The following LRRC8E variants were observed in gnomAD, a reference collection of about 807,000 sequenced individuals.
LRRC8E encodes the protein leucine rich repeat containing 8 VRAC subunit E.
In LRRC8E, 6 loss-of-function variants were observed where a neutral mutation model predicts 6.1. The ratio of observed to expected loss-of-function variants is 0.98; its 90% confidence interval spans 0.54 to 1.93. The LOEUF (loss-of-function observed/expected upper bound fraction) is 1.93, where lower values mean the gene tolerates loss of function less well. Ranked by LOEUF, LRRC8E falls within the 30% of genes most tolerant of loss-of-function variation. The pLI is 0.01. For synonymous variants in LRRC8E, 485 were observed against 472.8 expected (o/e 1.03, Z -0.33); for missense variants, 1,028 against 1,031.4 (o/e 1.00, Z 0.04).
Position 7,899,930 on chromosome 19 carries a change from T to C in LRRC8E, c.1408T>C (p.Ser470Pro), listed in dbSNP as rs1366001133. ...CTTGCAGGAGCTCAGCTTGCTCCAC[T>C]CGCCCGCCAGGCTACCCTTCTCCTT... ...VHLQELSLLH[S>P]PARLPFSLQV... Residue 470 changes from serine (S) to proline (P), a missense_variant, in exon 3 of 3, where the codon TCG becomes CCG. Transcript: ENST00000306708. The C allele has an allele frequency of 6.2e-7, 1 of 1,608,686 alleles. No individual in the cohort carries two copies. Among genetic ancestry groups the C allele is most frequent in the South Asian group, 1.1e-5 (1 of 91,064 alleles).
intron 1 of LRRC8E, among the ~76,000 whole-genome samples, chr19:7,892,542 G>C (rs1473965011): frequency 1.3e-5 from 2 of 152,148 alleles, no homozygotes; most frequent in African/African-American, 4.8e-5. Context: ...CAACTGAGCA[G>C]TGTCCCTGCA....
chr19:7,895,573 A>AC lies in LRRC8E; in HGVS notation c.-5-20dup, dbSNP rs745904560. On this transcript the variant is annotated intron_variant, in intron 1 of 2. Coordinates refer to ENST00000306708, the MANE Select transcript of LRRC8E (RefSeq NM_025061.6). The surrounding 1 kb of genome is among the most constrained non-coding windows in gnomAD (Gnocchi z 4.7). ...TCCCATCCTGAGGGTCTCTCTCTAC[A>AC]CCCCCCGTCTCGTCCCGTCCCACAG... 1.9e-6 allele frequency: 3 copies of AC among 1,601,288 alleles called. No individual in the cohort carries two copies. Among genetic ancestry groups the AC allele is most frequent in the East Asian group, 2.2e-5 (1 of 44,530 alleles).
In LRRC8E at chr19:7,898,992, T is replaced by C. The variant is rs1220114956; in HGVS notation, c.470T>C (p.Phe157Ser). Residue 157 changes from phenylalanine to serine, a missense_variant, in exon 3 of 3, where the codon TTC becomes TCC. By Grantham distance (155) the Phe-to-Ser change is radical. Transcript: ENST00000306708. ...TTCATCTCCATCCTGGGCAAGTGTT[T>C]CGACTCTCCATGGACCACCAGGGCC... Reference protein sequence around the residue: ...EHFISILGKCFDSPWTTRALS... With the variant: ...EHFISILGKCSDSPWTTRALS... 1.9e-6 allele frequency: 3 copies of C among 1,613,910 alleles called. No individual in the cohort carries two copies.
intron 2 of LRRC8E, among the ~76,000 whole-genome samples, chr19:7,896,124 G>A (rs1344650338): frequency 6.6e-6 from 1 of 151,900 alleles, no homozygotes; most frequent in Non-Finnish European, 1.5e-5. Context: ...TTTTTTAGTA[G>A]AGATGGGGTT....
chr19:7,891,985 T>C (rs1981338042), intron 1 of LRRC8E, among the ~76,000 whole-genome samples: 2 of 152,004 alleles, frequency 1.3e-5, no homozygotes, highest in Non-Finnish European at 2.9e-5. Context: ...CTGCAGCCTC[T>C]AACTCCTGGG....
intron 2 of LRRC8E, among the ~76,000 whole-genome samples, chr19:7,898,095 G>A (rs1010304000): frequency 1.3e-4 from 20 of 151,692 alleles, no homozygotes; most frequent in African/African-American, 1.9e-4. Flanking sequence ...TTGTAGCCCC[G>A]GCTACTCAGC....
In LRRC8E at chr19:7,900,674, CTCT is replaced by C. The variant is rs774823848; in HGVS notation, c.2159_2161del (p.Phe720del). 35 of 1,613,332 alleles carry C rather than the reference CTCT, an allele frequency of 2.2e-5. No individual in the cohort carries two copies. The African/African-American group carries it at 3.1e-4, about 14-fold the overall frequency. On this transcript the variant is annotated inframe_deletion, in exon 3 of 3. Transcript: ENST00000306708. This position sits in a 1 kb window ranked among gnomAD's most constrained non-coding sequence, Gnocchi z 5.0. ...TGCCCTGGAGGCCCTGCCCGAAGAG[CTCT>C]TCTTCTGCCGCAAGCTGCGGACGTT...
In LRRC8E at chr19:7,895,215, C is replaced by T. The variant is rs537392634; in HGVS notation, c.-5-384C>T. 1.0e-4 allele frequency: 19 copies of T among 188,030 alleles called. No homozygotes were observed. Among genetic ancestry groups the T allele is most frequent in the African/African-American group, 4.3e-4 (19 of 43,744 alleles). The allele number at this position is 188,030 out of a possible 1,614,324, so 11.6% of individuals were successfully genotyped here. On this transcript the variant is annotated intron_variant, in intron 1 of 2. Transcript: ENST00000306708. The surrounding 1 kb of genome is among the most constrained non-coding windows in gnomAD (Gnocchi z 4.7). The stretch of plus-strand genomic sequence containing the variant: ...CTGAGTGTCTGCAGTCAGGGAGCAT[C>T]GAGGCAGATGTTTTCAGGCCTTGGT...
rs1981956115 is a variant in LRRC8E at position 7,900,736 on chromosome 19, G to A, written c.2214G>A (p.Ser738=). ...LLGDNQLSQL[S]PHVGALRALS... ...GCGACAACCAGCTGAGCCAGCTCTCGCCCCACGTGGGTGCCCTCAGAGCCC... is the reference window on the plus strand; with the variant it reads ...GCGACAACCAGCTGAGCCAGCTCTCACCCCACGTGGGTGCCCTCAGAGCCC... Residue 738 remains serine (S), a synonymous_variant, in exon 3 of 3, where the codon TCG becomes TCA. Transcript: ENST00000306708. This position sits in a 1 kb window ranked among gnomAD's most constrained non-coding sequence, Gnocchi z 5.0. 18 of 1,612,798 alleles carry A rather than the reference G, an allele frequency of 1.1e-5. No individual in the cohort carries two copies. Among genetic ancestry groups the A allele is most frequent in the Non-Finnish European group, 1.4e-5 (17 of 1,179,710 alleles).
chr19:7,894,232 TTTTG>T (rs765810344), intron 1 of LRRC8E, among the ~76,000 whole-genome samples: 5 of 152,094 alleles, frequency 3.3e-5, no homozygotes, highest in South Asian at 2.1e-4. Flanking sequence ...TTGTCTTTTG[TTTTG>T]TTTGTTTGAG....
intron 2 of LRRC8E, among the ~76,000 whole-genome samples, chr19:7,896,618 C>T (rs1981610514): frequency 6.6e-6 from 1 of 150,960 alleles, no homozygotes; most frequent in Admixed American, 6.7e-5. Context: ...TAAAGAAACA[C>T]GGTCTCATTC....
chr19:7,891,472 A>G (rs181771518), intron 1 of LRRC8E, among the ~76,000 whole-genome samples: 196 of 151,676 alleles, frequency 1.3e-3, no homozygotes, highest in Middle Eastern at 0.01. Flanking sequence ...TGGGATGGCT[A>G]TTGGTGGAGC....
rs1982017444 is a variant in LRRC8E, at chr19:7,901,562, A to G, written c.*649A>G. 1 of 152,116 alleles carries G rather than the reference A, an allele frequency of 6.6e-6. No homozygotes were observed. Among genetic ancestry groups the G allele is most frequent in the Admixed American group, 6.6e-5 (1 of 15,260 alleles). The allele number at this position is 152,116 out of a possible 1,614,324, so 9.4% of individuals were successfully genotyped here. A position where few individuals can be genotyped will look rare whatever the true frequency, so the allele number is the denominator to read the frequency against. On this transcript the variant is annotated 3_prime_UTR_variant, in exon 3 of 3. Transcript: ENST00000306708. ...TGGTGCAGGTAAGTGGCCCTGAGAC[A>G]GTATGTTGGGAAATGCTGACGTAAA...
At position 7,900,800 on chromosome 19, in the gene LRRC8E, C is replaced by G. The variant is rs147355266; in HGVS notation, c.2278C>G (p.Leu760Val). 8.1e-4 allele frequency: 1,289 copies of G among 1,600,532 alleles called. 1 individual carries two copies. Among genetic ancestry groups the G allele is most frequent in the Middle Eastern group, 2.8e-3 (17 of 5,994 alleles). ...GCTCAAAGGCAACCGCTTAGAGGCGCTGCCAGAAGAACTTGGCAACTGTGG... is the reference window on the plus strand; with the variant it reads ...GCTCAAAGGCAACCGCTTAGAGGCGGTGCCAGAAGAACTTGGCAACTGTGG... ...LELKGNRLEA[L>V]PEELGNCGGL... The change falls in exon 3 of 3, where the codon CTG becomes GTG. Residue 760 changes from leucine to valine, a missense_variant. Leu to Val is a conservative substitution (Grantham distance 32). Transcript: ENST00000306708. The surrounding 1 kb of genome is among the most constrained non-coding windows in gnomAD (Gnocchi z 5.0).
chr19:7,890,384 G>A (rs1352933068), intron 1 of LRRC8E, among the ~76,000 whole-genome samples: 1 of 152,052 alleles, frequency 6.6e-6, no homozygotes, highest in African/African-American at 2.4e-5. Flanking sequence ...AGATGCTGTG[G>A]TTTTTTTGTT....
At chr19:7,894,931 T>G (rs1043200552) in intron 1 of LRRC8E, among the ~76,000 whole-genome samples, 2 of 152,268 alleles carry the variant, frequency 1.3e-5, no homozygotes, top group Non-Finnish European at 2.9e-5. Flanking sequence ...CTGCCTGTGA[T>G]TCTGGGCTGT....
In LRRC8E at chr19:7,895,777, G is replaced by A. The variant is rs770275197; in HGVS notation, c.138+36G>A. On this transcript the variant is annotated intron_variant, in intron 2 of 2. Coordinates refer to ENST00000306708, the MANE Select transcript of LRRC8E (RefSeq NM_025061.6). This position sits in a 1 kb window ranked among gnomAD's most constrained non-coding sequence, Gnocchi z 4.7. ...CCCCTGGCAAGGGGGTGTGACCAGAGGGGCGGGGCAGGTGTCTGGGGAAGT... is the reference window on the plus strand; with the variant it reads ...CCCCTGGCAAGGGGGTGTGACCAGAAGGGCGGGGCAGGTGTCTGGGGAAGT... 1.9e-6 allele frequency: 3 copies of A among 1,601,934 alleles called. No individual in the cohort carries two copies. The highest frequency in any genetic ancestry group is 2.6e-6 in the Non-Finnish European group (3 of 1,170,078).
chr19:7,900,093 G>C lies in LRRC8E; in HGVS notation c.1571G>C (p.Arg524Pro). ...GGGCTTTTCCCCCAGGAGCTAGCTC[G>C]GGCAGCCACCCTGGAGAGCCTCCGG... ...LEGLFPQELA[R>P]AATLESLREL... is the part of the protein sequence containing the mutation. The change falls in exon 3 of 3, where the codon CGG becomes CCG. Residue 524 changes from arginine (R) to proline (P), a missense_variant. By Grantham distance (103) the Arg-to-Pro change is moderately radical. Coordinates refer to ENST00000306708, the MANE Select transcript of LRRC8E (RefSeq NM_025061.6). This position sits in a 1 kb window ranked among gnomAD's most constrained non-coding sequence, Gnocchi z 5.0. 6.2e-7 allele frequency: 1 copy of C among 1,612,346 alleles called. No individual in the cohort carries two copies. The highest frequency in any genetic ancestry group is 1.1e-5 in the South Asian group (1 of 91,052).
Position 7,898,643 on chromosome 19 carries a change from TTC to T in LRRC8E, c.139-14_139-13del. 1 of 1,579,540 alleles carries T rather than the reference TTC, an allele frequency of 6.3e-7. No individual in the cohort carries two copies. Among genetic ancestry groups the T allele is most frequent in the Non-Finnish European group, 8.6e-7 (1 of 1,160,080 alleles). On this transcript the variant is annotated splice_polypyrimidine_tract_variant and intron_variant, in intron 2 of 2. Coordinates refer to ENST00000306708, the MANE Select transcript of LRRC8E (RefSeq NM_025061.6). ...CAAAGTGCTAGGATTACAGCCCTCA[TTC>T]TCTTTTGCTCCTCAGGTGACACAGG...
Sources: gnomAD v4.1 joint callset for allele counts (sites outside exome capture counted in the v4.1 genomes callset) on GRCh38, gnomAD v4.1.1 for gene constraint, Gnocchi (gnomAD v3.1) non-coding constraint, MANE v1.5 for transcripts, NCBI Gene and HGNC (gene_info 2026-07-23, HGNC 2026-07-21) for gene names.